NKAIN2: variants seen among roughly 807,000 people sequenced by gnomAD.
NKAIN2 encodes the protein sodium/potassium-transporting ATPase subunit beta-1-interacting protein 2.
NKAIN2 carries 14 observed loss-of-function variants against 32.6 expected under a neutral mutation model. That is an observed-to-expected ratio of 0.43 (90% CI 0.28 to 0.67). The LOEUF (loss-of-function observed/expected upper bound fraction) is 0.67, where lower values mean the gene tolerates loss of function less well. NKAIN2 is among the 30% of genes least tolerant of loss of function. The probability of loss-of-function intolerance (pLI) is 0.17; values close to 1 mark genes in which losing one functional copy is unlikely to be tolerated. For synonymous variants in NKAIN2, 80 were observed against 87.2 expected (o/e 0.92, Z 0.46); for missense variants, 198 against 258.3 (o/e 0.77, Z 1.60).
At chr6:124,094,677 C>T (rs1246348404) in intron 1 of NKAIN2, among the ~76,000 whole-genome samples, 1 of 152,096 alleles carries the variant, frequency 6.6e-6, no homozygotes, top group South Asian at 2.1e-4. Flanking sequence ...TTTTCAGGTG[C>T]GGATCCAAAG....
intron 3 of NKAIN2, among the ~76,000 whole-genome samples, chr6:124,553,029 C>G (rs2114871751): frequency 6.6e-6 from 1 of 152,264 alleles, no homozygotes; most frequent in Non-Finnish European, 1.5e-5. Flanking sequence ...CAAAACTTTC[C>G]TATGGAATTT....
intron 4 of NKAIN2, among the ~76,000 whole-genome samples, chr6:124,701,153 G>GCACACACACACACACACA (rs60670238): frequency 3.6e-4 from 47 of 132,114 alleles, no homozygotes; most frequent in African/African-American, 1.2e-3. Context: ...ACACACACAC[G>GCACACACACACACACACA]CACACACACA....
chr6:123,950,076 T>A (rs960903526), intron 1 of NKAIN2, among the ~76,000 whole-genome samples: 1 of 152,204 alleles, frequency 6.6e-6, no homozygotes, highest in African/African-American at 2.4e-5. Flanking sequence ...ATCCTGTTGA[T>A]GTGATGCATC....
At chr6:124,122,871 A>G (rs1427387621) in intron 1 of NKAIN2, among the ~76,000 whole-genome samples, 1 of 152,100 alleles carries the variant, frequency 6.6e-6, no homozygotes, top group Non-Finnish European at 1.5e-5. Context: ...AACAACAACA[A>G]CAACAACAAA....
chr6:124,542,266 C>G (rs1275416507), intron 3 of NKAIN2, among the ~76,000 whole-genome samples: 1 of 152,084 alleles, frequency 6.6e-6, no homozygotes, highest in East Asian at 1.9e-4. Context: ...ACAAAATACT[C>G]TAGAAATGCT....
chr6:124,212,174 C>T (rs1022539141), intron 1 of NKAIN2, among the ~76,000 whole-genome samples: 3 of 152,080 alleles, frequency 2.0e-5, no homozygotes, highest in Middle Eastern at 3.4e-3. Context: ...AATAACTTGC[C>T]TAAGGCATTA....
intron 1 of NKAIN2, among the ~76,000 whole-genome samples, chr6:123,961,973 G>T (rs1403623032): frequency 6.6e-6 from 1 of 152,092 alleles, no homozygotes; most frequent in African/African-American, 2.4e-5. Context: ...ATTAAAAAGA[G>T]AAAGCTATTT....
intron 2 of NKAIN2, among the ~76,000 whole-genome samples, chr6:124,341,006 A>G (rs143530701): frequency 0.013 from 1,903 of 152,208 alleles, 39 homozygotes; most frequent in African/African-American, 0.043. Context: ...TTTTATTTGG[A>G]GCTTCATAAA....
In NKAIN2 at chr6:123,803,986, T is replaced by C. The variant is rs1354651726; in HGVS notation, c.-215T>C. On this transcript the variant is annotated 5_prime_UTR_variant, in exon 1 of 7. Transcript: ENST00000368417. ...TGTGCACCGAGCGAGTGAAGGTATG[T>C]GTGGCGGGCGCGGCTGGAGCTGCCG... Among the ~76,000 whole-genome samples the C allele has an allele frequency of 6.7e-6, 1 of 150,092 alleles. No homozygotes were observed. The highest frequency in any genetic ancestry group is 1.5e-5 in the Non-Finnish European group (1 of 66,808).
intron 1 of NKAIN2, among the ~76,000 whole-genome samples, chr6:124,081,697 G>A (rs969123145): frequency 1.3e-4 from 20 of 151,928 alleles, no homozygotes; most frequent in African/African-American, 4.8e-4. Flanking sequence ...AGTGCTTATT[G>A]AAAATATTGG....
chr6:124,401,040 G>A (rs895268420), intron 3 of NKAIN2, among the ~76,000 whole-genome samples: 3 of 152,060 alleles, frequency 2.0e-5, no homozygotes, highest in Non-Finnish European at 4.4e-5. Flanking sequence ...TTGACACAAT[G>A]CATTGGTCTG....
intron 1 of NKAIN2, among the ~76,000 whole-genome samples, chr6:124,228,021 A>G (rs1792214578): frequency 1.3e-5 from 2 of 152,266 alleles, no homozygotes; most frequent in East Asian, 1.9e-4. Flanking sequence ...CTTTCTTGCT[A>G]TATTCTCACG....
At chr6:123,961,265 T>G (rs1562279528) in intron 1 of NKAIN2, among the ~76,000 whole-genome samples, 1 of 152,134 alleles carries the variant, frequency 6.6e-6, no homozygotes, top group Non-Finnish European at 1.5e-5. Context: ...AAATAAGCCC[T>G]AAAACTGTAC....
At chr6:124,199,604 G>A (rs1790505548) in intron 1 of NKAIN2, among the ~76,000 whole-genome samples, 1 of 152,128 alleles carries the variant, frequency 6.6e-6, no homozygotes, top group Non-Finnish European at 1.5e-5. Context: ...AAAAATAAAT[G>A]TAGGGAGAAA....
intron 2 of NKAIN2, among the ~76,000 whole-genome samples, chr6:124,312,567 G>C (rs189028536): frequency 1.3e-5 from 2 of 152,152 alleles, no homozygotes; most frequent in African/African-American, 4.8e-5. Flanking sequence ...GGCAGGGTGT[G>C]GGGGAAGGAG....
At chr6:124,547,852 A>G (rs112861936) in intron 3 of NKAIN2, among the ~76,000 whole-genome samples, 114 of 152,172 alleles carry the variant, frequency 7.5e-4, no homozygotes, top group African/African-American at 2.7e-3. Flanking sequence ...TTCTAACACT[A>G]TTGCCTAAAC....
At chr6:123,978,521 C>G (rs1013322228) in intron 1 of NKAIN2, among the ~76,000 whole-genome samples, 1 of 152,178 alleles carries the variant, frequency 6.6e-6, no homozygotes, top group African/African-American at 2.4e-5. Context: ...ACCACCTGTG[C>G]TGATACATAG....
intron 2 of NKAIN2, among the ~76,000 whole-genome samples, chr6:124,290,026 TC>T (rs1436491512): frequency 6.6e-6 from 1 of 150,420 alleles, no homozygotes; most frequent in Non-Finnish European, 1.5e-5. Context: ...ATAAGTCTTT[TC>T]CCATAAGCCT....
chr6:124,748,873 C>A (rs1777579505), intron 4 of NKAIN2, among the ~76,000 whole-genome samples: 2 of 147,670 alleles, frequency 1.4e-5, no homozygotes, highest in South Asian at 4.2e-4. Context: ...AAGAAGTGTG[C>A]AAGTATATTC....
Sources: gnomAD v4.1 joint callset for allele counts (sites outside exome capture counted in the v4.1 genomes callset) on GRCh38, gnomAD v4.1.1 for gene constraint, MANE v1.5 for transcripts, NCBI Gene and HGNC (gene_info 2026-07-23, HGNC 2026-07-21) for gene names.